JAKMIP1: variants seen among roughly 807,000 people sequenced by gnomAD.
JAKMIP1 encodes the protein janus kinase and microtubule interacting protein 1.
JAKMIP1 carries 33 observed loss-of-function variants against 113.0 expected under a neutral mutation model. The observed-to-expected ratio is 0.29, with a 90% CI of 0.22 to 0.39. The LOEUF (loss-of-function observed/expected upper bound fraction) is 0.39. Among genes scored for constraint, JAKMIP1 ranks in the 10% least tolerant of loss-of-function variants. The pLI is 1.00. For missense variants in JAKMIP1, 813 were observed against 1,080.5 expected, an observed-to-expected ratio of 0.75 and a Z score of 3.47; for synonymous variants, 480 against 459.9, an observed-to-expected ratio of 1.04 and a Z score of -0.56.
intron 8 of JAKMIP1, among the ~76,000 whole-genome samples, chr4:6,071,169 A>G (rs890343438): frequency 4.6e-5 from 7 of 152,314 alleles, no homozygotes; most frequent in Middle Eastern, 6.8e-3. Context: ...GTGCTACTCA[A>G]TTTAGTGCCG....
At chr4:6,062,219 G>T in intron 10 of JAKMIP1, 93 bp downstream of exon 10, 2 of 1,387,006 alleles carry the variant, frequency 1.4e-6, no homozygotes, top group Non-Finnish European at 2.0e-6. Context: ...TCCCCTCTGA[G>T]TGTCCAAGCC....
At chr4:6,095,212 A>T (rs1711544001) in intron 3 of JAKMIP1, among the ~76,000 whole-genome samples, 1 of 145,434 alleles carries the variant, frequency 6.9e-6, no homozygotes, top group Non-Finnish European at 1.5e-5. Context: ...GGGAAATAGA[A>T]GAAAGAAGGA....
intron 1 of JAKMIP1, among the ~76,000 whole-genome samples, chr4:6,130,536 G>T (rs995632475): frequency 3.9e-5 from 6 of 152,126 alleles, no homozygotes; most frequent in African/African-American, 1.4e-4. Context: ...AAAAAAGAGA[G>T]CCCAAACATT....
At chr4:6,182,756 G>A (rs1726188755) in intron 1 of JAKMIP1, among the ~76,000 whole-genome samples, 1 of 152,224 alleles carries the variant, frequency 6.6e-6, no homozygotes, top group South Asian at 2.1e-4. Flanking sequence ...CTTTATCCTG[G>A]GCCAGCGGGG....
intron 13 of JAKMIP1, chr4:6,053,790 C>T (rs200067730): frequency 2.4e-6 from 3 of 1,260,624 alleles, no homozygotes; most frequent in African/African-American, 1.5e-5. Flanking sequence ...AAGTGCAAAA[C>T]AAGCCATAGG....
At chr4:6,127,728 C>T (rs1022026703) in intron 1 of JAKMIP1, among the ~76,000 whole-genome samples, 1 of 152,240 alleles carries the variant, frequency 6.6e-6, no homozygotes, top group African/African-American at 2.4e-5. Flanking sequence ...TTCCCTGACA[C>T]GTGGTCCCCC....
intron 11 of JAKMIP1, among the ~76,000 whole-genome samples, chr4:6,057,928 C>T (rs1578114009): frequency 6.6e-6 from 1 of 152,232 alleles, no homozygotes; most frequent in African/African-American, 2.4e-5. Context: ...GCAGTCTGTG[C>T]CCAGCCTGAG....
At chr4:6,034,876 G>C (rs1713198199) in intron 19 of JAKMIP1, among the ~76,000 whole-genome samples, 1 of 152,190 alleles carries the variant, frequency 6.6e-6, no homozygotes. Context: ...TAAATCAGTA[G>C]ACTTTGAGTA....
At chr4:6,058,580 A>G (rs772853897) in intron 11 of JAKMIP1, among the ~76,000 whole-genome samples, 7 of 152,204 alleles carry the variant, frequency 4.6e-5, no homozygotes, top group Non-Finnish European at 8.8e-5. Flanking sequence ...TTATTAGTCA[A>G]TTGGGTCTAG....
rs1365992877 is a variant in JAKMIP1 at position 6,137,034 on chromosome 4, T to C, written c.-147-24037A>G. ...TGCAGCCTATTCCCTCCAGTCCTCCTCTGCACCAGTAATCAAACTCCTACA... is the reference window on the plus strand; with the variant it reads ...TGCAGCCTATTCCCTCCAGTCCTCCCCTGCACCAGTAATCAAACTCCTACA... On this transcript the variant is annotated intron_variant, in intron 1 of 20. Transcript: ENST00000409021. The surrounding 1 kb of genome is among the most constrained non-coding windows in gnomAD (Gnocchi z 4.5). Among the ~76,000 whole-genome samples, 1 of 152,098 alleles carries C rather than the reference T, an allele frequency of 6.6e-6. No homozygotes were observed. The highest frequency in any genetic ancestry group is 1.5e-5 in the Non-Finnish European group (1 of 68,016).
rs1240449588 is a variant in JAKMIP1 at position 6,183,771 on chromosome 4, G to A, written c.-148+16482C>T. Among the ~76,000 whole-genome samples the A allele has an allele frequency of 1.3e-5, 2 of 152,186 alleles. No homozygotes were observed. The highest frequency in any genetic ancestry group is 2.9e-5 in the Non-Finnish European group (2 of 68,038). On this transcript the variant is annotated intron_variant, in intron 1 of 20. Transcript: ENST00000409021. This position sits in a 1 kb window ranked among gnomAD's most constrained non-coding sequence, Gnocchi z 5.3. ...CCACTGCAGGGACCTGGGCTGCCAG[G>A]TGAACACTCAGCTTTGTGCAGGGCT...
intron 1 of JAKMIP1, among the ~76,000 whole-genome samples, chr4:6,159,128 G>C (rs1242483878): frequency 6.6e-6 from 1 of 151,646 alleles, no homozygotes; most frequent in African/African-American, 2.4e-5. Context: ...ACATAATGGT[G>C]AAAAAATAAC....
chr4:6,029,378 T>G (rs2108741079), intron 20 of JAKMIP1, among the ~76,000 whole-genome samples: 1 of 152,250 alleles, frequency 6.6e-6, no homozygotes, highest in African/African-American at 2.4e-5. Flanking sequence ...GTGTCTGTGG[T>G]TAGGGGGATG....
intron 1 of JAKMIP1, among the ~76,000 whole-genome samples, chr4:6,113,467 G>A (rs1464764040): frequency 2.0e-5 from 3 of 152,210 alleles, no homozygotes. Context: ...AGCAATTCTG[G>A]AGCAGGGCGT....
intron 16 of JAKMIP1, among the ~76,000 whole-genome samples, chr4:6,043,375 C>T (rs946938329): frequency 2.6e-4 from 39 of 152,150 alleles, no homozygotes; most frequent in African/African-American, 8.7e-4. Context: ...TGGTCACCCT[C>T]GCCAGGTCAC....
In JAKMIP1 at chr4:6,103,559, A is replaced by C. The variant is rs189148876; in HGVS notation, c.624+1914T>G. Among the ~76,000 whole-genome samples, 10 of 152,360 alleles carry C rather than the reference A, an allele frequency of 6.6e-5. No homozygotes were observed. In the East Asian group the frequency reaches 1.7e-3, roughly 26 times the overall value. On this transcript the variant is annotated intron_variant, in intron 3 of 20. Coordinates refer to ENST00000409021, the MANE Select transcript of JAKMIP1 (RefSeq NM_001099433.2). ...TTCCTAATTCTCTATTTTCTGGAAG[A>C]CTTTGGCTAGAATTAGTTTTACTTC...
chr4:6,112,303 T>C (rs1224950480), intron 2 of JAKMIP1, among the ~76,000 whole-genome samples: 3 of 152,322 alleles, frequency 2.0e-5, no homozygotes, highest in South Asian at 2.1e-4. Flanking sequence ...TCAAGTAGCC[T>C]CAGCACCTCT....
chr4:6,107,577 A>G (rs1435168236), intron 2 of JAKMIP1, among the ~76,000 whole-genome samples: 2 of 152,182 alleles, frequency 1.3e-5, no homozygotes, highest in African/African-American at 4.8e-5. Flanking sequence ...GAGAAGACCG[A>G]GGTCCCCTGC....
chr4:6,100,329 A>AAT (rs1712793427), intron 3 of JAKMIP1, among the ~76,000 whole-genome samples: 1 of 152,208 alleles, frequency 6.6e-6, no homozygotes, highest in Non-Finnish European at 1.5e-5. Context: ...GCAAGCATAC[A>AAT]ATATGAGGTC....
Sources: allele counts gnomAD v4.1 joint callset (sites outside exome capture counted in the v4.1 genomes callset), GRCh38; gene constraint gnomAD v4.1.1; non-coding constraint Gnocchi (gnomAD v3.1); transcripts MANE v1.5; gene names NCBI Gene and HGNC (gene_info 2026-07-23, HGNC 2026-07-21).